The following ANO3 variants were observed in gnomAD, a reference collection of about 807,000 sequenced individuals.
ANO3 encodes anoctamin 3.
Under a neutral mutation model 144.8 loss-of-function variants are expected in ANO3, and 99 were observed. The ratio of observed to expected loss-of-function variants is 0.68; its 90% CI spans 0.58 to 0.81. The LOEUF is 0.81. ANO3 is among the 30% of genes least tolerant of loss of function. The pLI is 0.00. For missense variants in ANO3, 905 were observed against 1,202.2 expected, an observed-to-expected ratio of 0.75 and a Z score of 3.66; for synonymous variants, 414 against 392.6, an observed-to-expected ratio of 1.05 and a Z score of -0.64.
At chr11:26,400,642 TTC>T (rs1857123763) in intron 1 of ANO3, among the ~76,000 whole-genome samples, 5 of 151,878 alleles carry the variant, frequency 3.3e-5, no homozygotes, top group Admixed American at 3.3e-4. Flanking sequence ...TATGTTTGCA[TTC>T]TGTTAAAAAG....
intron 6 of ANO3, among the ~76,000 whole-genome samples, chr11:26,517,751 A>G (rs973736687): frequency 6.6e-6 from 1 of 152,204 alleles, no homozygotes; most frequent in Admixed American, 6.5e-5. Context: ...ACCTGCTAGC[A>G]TAAAAGAGTC....
At chr11:26,642,669 G>A (rs761177278) in intron 22 of ANO3, among the ~76,000 whole-genome samples, 8 of 151,962 alleles carry the variant, frequency 5.3e-5, no homozygotes, top group Non-Finnish European at 1.0e-4. Context: ...CAGTTTCTAT[G>A]TTAAGAAACC....
chr11:26,456,271 A>G (rs972458316), intron 3 of ANO3, among the ~76,000 whole-genome samples: 1 of 152,196 alleles, frequency 6.6e-6, no homozygotes, highest in Non-Finnish European at 1.5e-5. Context: ...AGAAACTACC[A>G]TCAGAGTGAA....
intron 4 of ANO3, among the ~76,000 whole-genome samples, chr11:26,498,438 C>T (rs1402372623): frequency 6.6e-6 from 1 of 151,246 alleles, no homozygotes; most frequent in Non-Finnish European, 1.5e-5. Flanking sequence ...TATAGAATCC[C>T]ACATTATTTA....
chr11:26,404,922 A>T (rs181474807), intron 1 of ANO3, among the ~76,000 whole-genome samples: 1,734 of 139,842 alleles, frequency 0.012, 19 homozygotes, highest in Non-Finnish European at 0.019. Flanking sequence ...TTCAGCAAGG[A>T]ATTTATATAT....
chr11:26,381,398 A>C (rs1366588181), intron 1 of ANO3, among the ~76,000 whole-genome samples: 1 of 152,184 alleles, frequency 6.6e-6, no homozygotes, highest in Non-Finnish European at 1.5e-5. Context: ...GCTACTCATC[A>C]TCAGTTAGGC....
At chr11:26,656,047 T>C (rs1853677754) in intron 24 of ANO3, 78 bp from the exon 25 acceptor site, 1 of 1,153,448 alleles carries the variant, frequency 8.7e-7, no homozygotes. Context: ...ATTTGTAAAA[T>C]CCTGGCATTT....
Position 26,262,035 on chromosome 11 carries a change from C to T in ANO3, c.155-47610C>T, listed in dbSNP as rs189553346. Among the ~76,000 whole-genome samples, 520 of 152,272 alleles carry T rather than the reference C, an allele frequency of 3.4e-3. 9 individuals carry two copies. The highest frequency in any genetic ancestry group is 8.5e-3 in the Admixed American group (130 of 15,294). The stretch of plus-strand genomic sequence containing the variant: ...GGGCCAGTATCATCGTCTGTGATAG[C>T]AGGTGCTACTAATCTCTGAAGTTCT... On this transcript the variant is annotated intron_variant, in intron 1 of 27. Transcript: ENST00000672621.
At chr11:26,624,993 C>T (rs867373455) in intron 18 of ANO3, among the ~76,000 whole-genome samples, 3 of 151,380 alleles carry the variant, frequency 2.0e-5, no homozygotes, top group African/African-American at 2.4e-5. Flanking sequence ...GACGCGATCT[C>T]GGCTCACTGC....
At chr11:26,219,831 C>T (rs1852106506) in intron 1 of ANO3, among the ~76,000 whole-genome samples, 1 of 152,080 alleles carries the variant, frequency 6.6e-6, no homozygotes, top group Non-Finnish European at 1.5e-5. Flanking sequence ...GGAAAGCTGC[C>T]TAGGGTGGAT....
intron 1 of ANO3, among the ~76,000 whole-genome samples, chr11:26,339,947 C>G (rs1188529699): frequency 6.6e-6 from 1 of 152,170 alleles, no homozygotes; most frequent in Non-Finnish European, 1.5e-5. Context: ...CTGCAGGATA[C>G]AGGTTCACCA....
chr11:26,349,847 C>T (rs914034620), intron 1 of ANO3, among the ~76,000 whole-genome samples: 2 of 152,104 alleles, frequency 1.3e-5, no homozygotes, highest in Non-Finnish European at 1.5e-5. Flanking sequence ...CACGCCCGGC[C>T]GAGAATTGTT....
chr11:26,597,930 G>C (rs545794316), intron 14 of ANO3, among the ~76,000 whole-genome samples: 1 of 152,126 alleles, frequency 6.6e-6, no homozygotes, highest in South Asian at 2.1e-4. Context: ...CCTTCACCAC[G>C]AGAGTTTGTT....
At chr11:26,283,966 C>T (rs2133847035) in intron 1 of ANO3, among the ~76,000 whole-genome samples, 1 of 152,268 alleles carries the variant, frequency 6.6e-6, no homozygotes, top group Admixed American at 6.5e-5. Flanking sequence ...ATGAGAAAAG[C>T]AGTTAGGAGT....
At chr11:26,580,889 A>C (rs1416867786) in intron 14 of ANO3, among the ~76,000 whole-genome samples, 1 of 152,220 alleles carries the variant, frequency 6.6e-6, no homozygotes, top group Non-Finnish European at 1.5e-5. Flanking sequence ...AAGCATGTCA[A>C]GTCACAGGCC....
chr11:26,660,358 CAAG>C lies in ANO3; in HGVS notation c.2863_2865del (p.Glu955del). ...AATACGACGAGAGAAGTACTTAGTT[CAAG>C]AAATGATGTATGAGGCTGAACTGGA... On this transcript the variant is annotated inframe_deletion, in exon 27 of 27. Coordinates refer to ENST00000256737, the MANE Select transcript of ANO3 (RefSeq NM_031418.4). The C allele has an allele frequency of 6.2e-7, 1 of 1,613,168 alleles. No homozygotes were observed. The highest frequency in any genetic ancestry group is 8.5e-7 in the Non-Finnish European group (1 of 1,179,558).
chr11:26,585,318 G>T (rs1162317007), intron 14 of ANO3, among the ~76,000 whole-genome samples: 4 of 152,048 alleles, frequency 2.6e-5, no homozygotes, highest in African/African-American at 9.7e-5. Context: ...ATCTAGATTT[G>T]TCAGTCTACC....
intron 1 of ANO3, among the ~76,000 whole-genome samples, chr11:26,434,006 G>T (rs1410114115): frequency 6.6e-6 from 1 of 152,120 alleles, no homozygotes; most frequent in African/African-American, 2.4e-5. Flanking sequence ...GTACAATGTG[G>T]TTGTGAATCC....
At chr11:26,409,816 C>A (rs2133984476) in intron 1 of ANO3, among the ~76,000 whole-genome samples, 1 of 151,972 alleles carries the variant, frequency 6.6e-6, no homozygotes, top group Middle Eastern at 3.4e-3. Flanking sequence ...TTGCTTCTAG[C>A]AAAATGATGT....
Sources: gnomAD v4.1 joint callset for allele counts (sites outside exome capture counted in the v4.1 genomes callset) on GRCh38, gnomAD v4.1.1 for gene constraint, MANE v1.5 for transcripts, NCBI Gene and HGNC (gene_info 2026-07-23, HGNC 2026-07-21) for gene names.